The following NFIX variants were observed in gnomAD, a reference collection of about 807,000 sequenced individuals.
NFIX encodes the protein nuclear factor 1 X-type.
In NFIX, 2 loss-of-function variants were observed where a neutral mutation model predicts 53.3. That is an observed-to-expected ratio of 0.04 (90% CI 0.02 to 0.12). The LOEUF is 0.12. Ranked by LOEUF, NFIX falls within the 10% of genes least tolerant of loss-of-function variation. The pLI, the probability that NFIX is intolerant of heterozygous loss-of-function variation, is 1.00. For synonymous variants in NFIX, 244 were observed against 289.0 expected (o/e 0.84, Z 1.58); for missense variants, 310 against 674.5 (o/e 0.46, Z 5.99).
rs1433916564 is a variant in NFIX at position 13,014,244 on chromosome 19, C to G, written c.28-10777C>G. The stretch of plus-strand genomic sequence containing the variant: ...CGCTCCGGTCTGATTCGCAAATCCC[C>G]AAACTGGCACAAACCGGGAAACTTG... On this transcript the variant is annotated intron_variant, in intron 1 of 10. Coordinates refer to ENST00000592199, the MANE Select transcript of NFIX (RefSeq NM_001365902.3). The surrounding 1 kb of genome is among the most constrained non-coding windows in gnomAD (Gnocchi z 4.4). The G allele has an allele frequency of 6.6e-6, 1 of 152,198 alleles. No individual in the cohort carries two copies. The highest frequency in any genetic ancestry group is 2.1e-4 in the South Asian group (1 of 4,834). 9.4% of individuals were successfully genotyped at this position (152,198 alleles called of 1,614,324 possible). A position where few individuals can be genotyped will look rare whatever the true frequency, so the allele number is the denominator to read the frequency against.
In NFIX at chr19:13,088,615, C is replaced by T. The variant is rs1018555467; in HGVS notation, c.1402+479C>T. 1.3e-5 allele frequency among the ~76,000 whole-genome samples: 2 copies of T among 151,970 alleles called. No homozygotes were observed. The highest frequency in any genetic ancestry group is 3.9e-4 in the East Asian group (2 of 5,192). ...CCACCATCCCCTTTTTGCCTTGCCC[C>T]TCACCTCCATCCCTGGGCCCTTGGG... On this transcript the variant is annotated intron_variant, in intron 9 of 10. Coordinates refer to ENST00000592199, the MANE Select transcript of NFIX (RefSeq NM_001365902.3). The surrounding 1 kb of genome is among the most constrained non-coding windows in gnomAD (Gnocchi z 5.9).
rs574254729 is a variant in NFIX, at chr19:13,027,506, T to G, written c.559+1954T>G. Among the ~76,000 whole-genome samples the G allele has an allele frequency of 3.2e-4, 48 of 152,206 alleles. No individual in the cohort carries two copies. The highest frequency in any genetic ancestry group is 1.1e-3 in the African/African-American group (46 of 41,532). The stretch of plus-strand genomic sequence containing the variant: ...TCCTGCACAAGGGGATTCTGCACCT[T>G]CCAATTTTAGAACCAGGGGCTCGAG... On this transcript the variant is annotated intron_variant, in intron 2 of 10. Transcript: ENST00000592199. This position sits in a 1 kb window ranked among gnomAD's most constrained non-coding sequence, Gnocchi z 4.3.
At chr19:13,091,285 T>C (rs913826763) in intron 10 of NFIX, among the ~76,000 whole-genome samples, 1 of 151,298 alleles carries the variant, frequency 6.6e-6, no homozygotes, top group African/African-American at 2.4e-5. Flanking sequence ...TGGGGCCACC[T>C]CTCATCTCCT....
Position 13,001,643 on chromosome 19 carries a change from C to G in NFIX, c.27+5779C>G, listed in dbSNP as rs952225482. ...ACACGTGTTGGCCTGTCCGTGTCAACTTGTGTCCACATACGTGTCAACGCA... is the reference window on the plus strand; with the variant it reads ...ACACGTGTTGGCCTGTCCGTGTCAAGTTGTGTCCACATACGTGTCAACGCA... On this transcript the variant is annotated intron_variant, in intron 1 of 10. Transcript: ENST00000592199. This position sits in a 1 kb window ranked among gnomAD's most constrained non-coding sequence, Gnocchi z 6.5. Among the ~76,000 whole-genome samples the G allele has an allele frequency of 6.6e-6, 1 of 152,182 alleles. No homozygotes were observed. The highest frequency in any genetic ancestry group is 1.5e-5 in the Non-Finnish European group (1 of 68,026).
rs1475585361 is a variant in NFIX, at chr19:13,006,946, G to A, written c.27+11082G>A. 1.3e-5 allele frequency among the ~76,000 whole-genome samples: 2 copies of A among 152,240 alleles called. No individual in the cohort carries two copies. The highest frequency in any genetic ancestry group is 2.9e-5 in the Non-Finnish European group (2 of 68,034). ...GTCTCCATTTCGAAGCTTGAGGTGG[G>A]GGTGGGGAAGTGCTGGGCGCCTCCA... On this transcript the variant is annotated intron_variant, in intron 1 of 10. Transcript: ENST00000592199. This position sits in a 1 kb window ranked among gnomAD's most constrained non-coding sequence, Gnocchi z 5.6.
rs953795824 is a variant in NFIX, at chr19:13,014,429, G to A, written c.28-10592G>A. ...TGGTACCCCGATGCCAGCCGAGGGC[G>A]CGTTTCCCAGGCGGCGGGCTGGTGG... is the stretch of plus-strand genomic sequence containing the variant. On this transcript the variant is annotated intron_variant, in intron 1 of 10. Transcript: ENST00000592199. The surrounding 1 kb of genome is among the most constrained non-coding windows in gnomAD (Gnocchi z 4.4). The A allele has an allele frequency of 9.8e-5, 15 of 152,396 alleles. No homozygotes were observed. The highest frequency in any genetic ancestry group is 3.6e-4 in the African/African-American group (15 of 41,594). 9.4% of individuals were successfully genotyped at this position (152,396 alleles called of 1,614,324 possible). A position where few individuals can be genotyped will look rare whatever the true frequency, so the allele number is the denominator to read the frequency against.
rs751270723 is a variant in NFIX at position 13,078,714 on chromosome 19, G to A, written c.1057G>A (p.Val353Met). Residue 353 changes from valine (V) to methionine (M), a missense_variant, in exon 7 of 11, where the codon GTG (valine) becomes ATG (methionine). By Grantham distance (21) the Val-to-Met change is conservative (BLOSUM62 1). Around this residue, in one of 5 missense-constraint regions of NFIX, gnomAD observed 164 missense variants for 284.4 expected, o/e 0.58. Transcript: ENST00000592199. This position sits in a 1 kb window ranked among gnomAD's most constrained non-coding sequence, Gnocchi z 4.7. ...GGCTTTCACCCACCACCCGCTGCCT[G>A]TGCTTGCTGGAGTCAGACCAGGTGA... ...RMAFTHHPLP[V>M]LAGVRPGSPR... 3 of 1,601,076 alleles carry A rather than the reference G, an allele frequency of 1.9e-6. No homozygotes were observed. The highest frequency in any genetic ancestry group is 2.6e-6 in the Non-Finnish European group (3 of 1,174,080).
At chr19:13,082,812 T>C (rs1257072259) in intron 8 of NFIX, among the ~76,000 whole-genome samples, 1 of 152,234 alleles carries the variant, frequency 6.6e-6, no homozygotes. Flanking sequence ...GGAAGCCTGC[T>C]GCGAGAGGTC....
Position 13,089,264 on chromosome 19 carries a change from G to T in NFIX, c.1403-1035G>T, listed in dbSNP as rs1006008456. 6.6e-6 allele frequency among the ~76,000 whole-genome samples: 1 copy of T among 152,162 alleles called. No individual in the cohort carries two copies. The highest frequency in any genetic ancestry group is 1.5e-5 in the Non-Finnish European group (1 of 68,032). ...AGGTGGGCAGAATCTGGTGAGCATG[G>T]AGTCCCTGGGTGTGTCTGGTGCAGG... On this transcript the variant is annotated intron_variant, in intron 9 of 10. Transcript: ENST00000592199. This position sits in a 1 kb window ranked among gnomAD's most constrained non-coding sequence, Gnocchi z 4.8.
At chr19:13,010,315 C>T (rs769859955) in intron 1 of NFIX, among the ~76,000 whole-genome samples, 2 of 152,246 alleles carry the variant, frequency 1.3e-5, no homozygotes, top group Non-Finnish European at 2.9e-5. Context: ...ACTCGCACAC[C>T]CCCTGGCCCT....
rs2016879651 is a variant in NFIX, at chr19:13,073,327, G to A, written c.623-95G>A. 8.7e-7 allele frequency: 1 copy of A among 1,152,940 alleles called. No individual in the cohort carries two copies. Among genetic ancestry groups the A allele is most frequent in the Non-Finnish European group, 1.3e-6 (1 of 760,656 alleles). 71.4% of individuals were successfully genotyped at this position (1,152,940 alleles called of 1,614,324 possible). Reference sequence around the variant, plus strand: ...TAGCCTGGAGCTGGAAACGGGACTTGGGAGGGAGAAGCAACAGTGTGGAAG... The same window carrying A: ...TAGCCTGGAGCTGGAAACGGGACTTAGGAGGGAGAAGCAACAGTGTGGAAG... On this transcript the variant is annotated intron_variant, in intron 3 of 10. Coordinates refer to ENST00000592199, the MANE Select transcript of NFIX (RefSeq NM_001365902.3). The surrounding 1 kb of genome is among the most constrained non-coding windows in gnomAD (Gnocchi z 4.5).
Position 13,005,743 on chromosome 19 carries a change from C to A in NFIX, c.27+9879C>A, listed in dbSNP as rs978960063. 1.3e-4 allele frequency among the ~76,000 whole-genome samples: 20 copies of A among 152,148 alleles called. No homozygotes were observed. The highest frequency in any genetic ancestry group is 6.5e-5 in the Admixed American group (1 of 15,276). ...CCAAATTTCAAAATGGGTCTGCACA[C>A]CCCCACGCCCCCATTTGAAACGTGC... On this transcript the variant is annotated intron_variant, in intron 1 of 10. Coordinates refer to ENST00000592199, the MANE Select transcript of NFIX (RefSeq NM_001365902.3). The surrounding 1 kb of genome is among the most constrained non-coding windows in gnomAD (Gnocchi z 4.7).
chr19:13,027,453 C>T lies in NFIX; in HGVS notation c.559+1901C>T, dbSNP rs948520493. On this transcript the variant is annotated intron_variant, in intron 2 of 10. Transcript: ENST00000592199. This position sits in a 1 kb window ranked among gnomAD's most constrained non-coding sequence, Gnocchi z 4.3. ...GTGGCTTGCAGAAGGCTCGGAGCCT[C>T]GAGCTTACCAGTGTGGCCATCAGAT... Among the ~76,000 whole-genome samples, 1 of 152,124 alleles carries T rather than the reference C, an allele frequency of 6.6e-6. No individual in the cohort carries two copies. The highest frequency in any genetic ancestry group is 6.5e-5 in the Admixed American group (1 of 15,286).
chr19:13,068,767 G>C lies in NFIX; in HGVS notation c.560-4280G>C, dbSNP rs2016584911. 6.6e-6 allele frequency among the ~76,000 whole-genome samples: 1 copy of C among 152,242 alleles called. No homozygotes were observed. The highest frequency in any genetic ancestry group is 1.5e-5 in the Non-Finnish European group (1 of 68,050). ...CTCCCTTCCAGAAGCCTGCAAAGTG[G>C]CCAGAACCATGGGCAGGGGAGGCCT... On this transcript the variant is annotated intron_variant, in intron 2 of 10. Coordinates refer to ENST00000592199, the MANE Select transcript of NFIX (RefSeq NM_001365902.3). This position sits in a 1 kb window ranked among gnomAD's most constrained non-coding sequence, Gnocchi z 4.2.
In NFIX at chr19:13,006,908, G is replaced by C. The variant is rs1465257103; in HGVS notation, c.27+11044G>C. Among the ~76,000 whole-genome samples the C allele has an allele frequency of 6.6e-6, 1 of 152,206 alleles. No homozygotes were observed. Among genetic ancestry groups the C allele is most frequent in the Non-Finnish European group, 1.5e-5 (1 of 68,030 alleles). On this transcript the variant is annotated intron_variant, in intron 1 of 10. Coordinates refer to ENST00000592199, the MANE Select transcript of NFIX (RefSeq NM_001365902.3). This position sits in a 1 kb window ranked among gnomAD's most constrained non-coding sequence, Gnocchi z 5.6. ...CCCCATGCCCGGGCAGAGCCGAGCG[G>C]CTGCTGCTGCCAGTCTCCATTTCGA...
intron 2 of NFIX, among the ~76,000 whole-genome samples, chr19:13,050,555 G>A (rs1463263337): frequency 3.3e-5 from 5 of 152,096 alleles, no homozygotes; most frequent in African/African-American, 4.8e-5. Context: ...AAACACATGT[G>A]GAATTAACTT....
chr19:13,064,468 C>G (rs2016281365), intron 2 of NFIX, among the ~76,000 whole-genome samples: 1 of 152,250 alleles, frequency 6.6e-6, no homozygotes, highest in Non-Finnish European at 1.5e-5. Flanking sequence ...CTCCCCCACC[C>G]CTGTTTCTAG....
chr19:13,007,847 A>C (rs1485915014), intron 1 of NFIX, among the ~76,000 whole-genome samples: 1 of 152,218 alleles, frequency 6.6e-6, no homozygotes, highest in African/African-American at 2.4e-5. Context: ...CGAGGCTGCA[A>C]GTATCAAAGA....
chr19:13,039,163 C>G (rs1314767926), intron 2 of NFIX, among the ~76,000 whole-genome samples: 1 of 151,892 alleles, frequency 6.6e-6, no homozygotes, highest in Non-Finnish European at 1.5e-5. Flanking sequence ...CAAAGTGGGC[C>G]CAGCACACAA....
Sources: gnomAD v4.1 joint callset for allele counts (sites outside exome capture counted in the v4.1 genomes callset) on GRCh38, gnomAD v4.1.1 for gene constraint, gnomAD v4.1.1 regional missense constraint, Gnocchi (gnomAD v3.1) non-coding constraint, MANE v1.5 for transcripts, NCBI Gene and HGNC (gene_info 2026-07-23, HGNC 2026-07-21) for gene names.